The following PAPPA2 variants were observed in gnomAD, a reference collection of about 807,000 sequenced individuals.
PAPPA2 encodes the protein pappalysin-2.
A neutral mutation model predicts 176.4 loss-of-function variants in PAPPA2; 86 were observed. The ratio of observed to expected loss-of-function variants is 0.49; its 90% confidence interval spans 0.41 to 0.58. The LOEUF is 0.58. Ranked by LOEUF, PAPPA2 falls within the 20% of genes least tolerant of loss-of-function variation. The probability of loss-of-function intolerance (pLI) is 0.00; values close to 1 mark genes in which losing one functional copy is unlikely to be tolerated. For synonymous variants in PAPPA2, 809 were observed against 852.2 expected, an observed-to-expected ratio of 0.95 and a Z score of 0.88; for missense variants, 2,073 against 2,256.9, an observed-to-expected ratio of 0.92 and a Z score of 1.65.
At chr1:176,772,961 A>G (rs1450763202) in intron 17 of PAPPA2, among the ~76,000 whole-genome samples, 1 of 152,094 alleles carries the variant, frequency 6.6e-6, no homozygotes, top group South Asian at 2.1e-4. Flanking sequence ...GAAATGTCTT[A>G]GGACCAGGAG....
intron 14 of PAPPA2, among the ~76,000 whole-genome samples, chr1:176,754,430 A>G (rs1348093780): frequency 6.6e-6 from 1 of 152,270 alleles, no homozygotes; most frequent in Non-Finnish European, 1.5e-5. Flanking sequence ...TACTAGAAGT[A>G]AAAGTGTTTT....
At chr1:176,661,325 C>A (rs1289873877) in intron 3 of PAPPA2, among the ~76,000 whole-genome samples, 1 of 151,832 alleles carries the variant, frequency 6.6e-6, no homozygotes. Context: ...TTTGTAAGGG[C>A]TAGAGTAGTA....
intron 17 of PAPPA2, among the ~76,000 whole-genome samples, chr1:176,782,225 C>A (rs1011941482): frequency 6.6e-6 from 1 of 152,182 alleles, no homozygotes; most frequent in African/African-American, 2.4e-5. Flanking sequence ...CTTACCTCAT[C>A]TATAAAATAA....
chr1:176,708,382 G>A (rs951845843), intron 10 of PAPPA2, among the ~76,000 whole-genome samples: 4 of 151,968 alleles, frequency 2.6e-5, no homozygotes, highest in African/African-American at 9.7e-5. Context: ...GAACCCCATT[G>A]TAAAATATAT....
chr1:176,669,843 A>T (rs2102771840), intron 3 of PAPPA2, among the ~76,000 whole-genome samples: 1 of 152,288 alleles, frequency 6.6e-6, no homozygotes, highest in African/African-American at 2.4e-5. Context: ...AGCAAGCTAG[A>T]GGGGAAGGGT....
At position 176,692,253 on chromosome 1, in the gene PAPPA2, C is replaced by T. The variant is rs767298759; in HGVS notation, c.2559C>T (p.Ile853=). 21 of 1,613,932 alleles carry T rather than the reference C, an allele frequency of 1.3e-5. No homozygotes were observed. The highest frequency in any genetic ancestry group is 5.3e-5 in the African/African-American group (4 of 74,928). The change falls in exon 6 of 23, where the codon ATC becomes ATT. Residue 853 remains isoleucine, a synonymous_variant. Transcript: ENST00000367662. ...CCATCCCCATTCCACCTATGGTCATCGGACAGACCAACAAGTCCCTCACTA... is the reference window on the plus strand; with the variant it reads ...CCATCCCCATTCCACCTATGGTCATTGGACAGACCAACAAGTCCCTCACTA... The part of the protein sequence containing the change: ...PTPIPIPPMV[I]GQTNKSLTIH...
At chr1:176,749,071 A>ATCATACACATATTTGACCACAATGGTGG (rs71129583) in intron 14 of PAPPA2, among the ~76,000 whole-genome samples, 1 of 151,410 alleles carries the variant, frequency 6.6e-6, no homozygotes, top group Non-Finnish European at 1.5e-5. Flanking sequence ...TCCAGTATCT[A>ATCATACACATATTTGACCACAATGGTGG]TCATACACAT....
intron 1 of PAPPA2, among the ~76,000 whole-genome samples, chr1:176,523,061 C>T (rs1031020599): frequency 6.6e-6 from 1 of 152,128 alleles, no homozygotes; most frequent in Non-Finnish European, 1.5e-5. Flanking sequence ...TTTACATGTG[C>T]GCTTGCTTCT....
At chr1:176,583,545 A>G (rs1236534129) in intron 2 of PAPPA2, among the ~76,000 whole-genome samples, 1 of 151,886 alleles carries the variant, frequency 6.6e-6, no homozygotes, top group Non-Finnish European at 1.5e-5. Flanking sequence ...TATTATTGTT[A>G]TTGATTTTTC....
intron 1 of PAPPA2, among the ~76,000 whole-genome samples, chr1:176,501,061 G>C (rs1026602291): frequency 6.7e-6 from 1 of 148,202 alleles, no homozygotes; most frequent in African/African-American, 2.5e-5. Flanking sequence ...ATATTAATAA[G>C]TATATATAAT....
At position 176,632,264 on chromosome 1, in the gene PAPPA2, A is replaced by T. The variant is rs566600885; in HGVS notation, c.1991+36669A>T. Among the ~76,000 whole-genome samples the T allele has an allele frequency of 2.4e-4, 34 of 142,420 alleles. No individual in the cohort carries two copies. The East Asian group carries it at 3.9e-3, about 16-fold the overall frequency. 93.4% of individuals were successfully genotyped at this position (142,420 alleles called of 152,430 possible). On this transcript the variant is annotated intron_variant, in intron 3 of 22. Transcript: ENST00000367662. ...GTGTGTGTGTGTGTGTGTGTGTGTGAGAACAGCTCTTAGGAAACTAGAAAC... is the reference window on the plus strand; with the variant it reads ...GTGTGTGTGTGTGTGTGTGTGTGTGTGAACAGCTCTTAGGAAACTAGAAAC...
At chr1:176,835,253 C>G (rs1463998623) in intron 21 of PAPPA2, among the ~76,000 whole-genome samples, 1 of 152,162 alleles carries the variant, frequency 6.6e-6, no homozygotes, top group Admixed American at 6.5e-5. Flanking sequence ...TCCTTGAAAA[C>G]AAGACAGTTC....
intron 3 of PAPPA2, among the ~76,000 whole-genome samples, chr1:176,627,774 G>A (rs887862198): frequency 1.3e-5 from 2 of 152,154 alleles, no homozygotes; most frequent in African/African-American, 4.8e-5. Context: ...GTCAGAGCCT[G>A]TGAAGGTCAC....
chr1:176,713,642 T>C (rs1042965200), intron 12 of PAPPA2, among the ~76,000 whole-genome samples: 1 of 152,198 alleles, frequency 6.6e-6, no homozygotes, highest in Non-Finnish European at 1.5e-5. Context: ...ATTCTTTATG[T>C]TTTATTTTGC....
In PAPPA2 at chr1:176,693,942, C is replaced by T. The variant is rs180809403; in HGVS notation, c.2624+1624C>T. Among the ~76,000 whole-genome samples the T allele has an allele frequency of 3.0e-4, 45 of 152,262 alleles. No individual in the cohort carries two copies. The East Asian group carries it at 7.1e-3, about 24-fold the overall frequency. On this transcript the variant is annotated intron_variant, in intron 6 of 22. Transcript: ENST00000367662. ...CTTTGAATTCTCTCTCTGGTACAAA[C>T]GTTACGATAAAGCAGACATCAGTAC...
At chr1:176,768,688 G>C (rs1165476413) in intron 15 of PAPPA2, among the ~76,000 whole-genome samples, 1 of 152,046 alleles carries the variant, frequency 6.6e-6, no homozygotes, top group Non-Finnish European at 1.5e-5. Context: ...TTTTGTTTAG[G>C]ACAGGACCTG....
At chr1:176,696,624 A>T (rs1308814711) in intron 7 of PAPPA2, among the ~76,000 whole-genome samples, 1 of 152,216 alleles carries the variant, frequency 6.6e-6, no homozygotes, top group African/African-American at 2.4e-5. Flanking sequence ...AATACTGTTG[A>T]CAGGATTTTA....
chr1:176,479,964 A>T (rs540345244), intron 1 of PAPPA2, among the ~76,000 whole-genome samples: 12 of 152,386 alleles, frequency 7.9e-5, no homozygotes, highest in African/African-American at 2.6e-4. Context: ...CCTGTAGAAG[A>T]GAAATACACA....
intron 1 of PAPPA2, among the ~76,000 whole-genome samples, chr1:176,523,311 A>G (rs1649304482): frequency 6.6e-6 from 1 of 152,178 alleles, no homozygotes; most frequent in Admixed American, 6.5e-5. Context: ...CTAATCTGGC[A>G]TGGAAAGAAC....
Sources: allele counts gnomAD v4.1 joint callset (sites outside exome capture counted in the v4.1 genomes callset), GRCh38; gene constraint gnomAD v4.1.1; transcripts MANE v1.5; gene names NCBI Gene and HGNC (gene_info 2026-07-23, HGNC 2026-07-21).